The following NRCAM variants were observed in gnomAD, a reference collection of about 807,000 sequenced individuals.
The protein encoded by NRCAM is NgCAM-related cell adhesion molecule.
NRCAM carries 83 observed loss-of-function variants against 156.5 expected under a neutral mutation model. The ratio of observed to expected loss-of-function variants is 0.53; its 90% confidence interval spans 0.44 to 0.64. The LOEUF is 0.64. Among genes scored for constraint, NRCAM ranks in the 30% least tolerant of loss-of-function variants. The pLI, the probability that NRCAM is intolerant of heterozygous loss-of-function variation, is 0.00. For missense variants in NRCAM, 1,417 were observed against 1,597.3 expected, an observed-to-expected ratio of 0.89 and a Z score of 1.92; for synonymous variants, 538 against 563.9, an observed-to-expected ratio of 0.95 and a Z score of 0.65.
intron 5 of NRCAM, 74 bp from the exon 6 acceptor site, chr7:108,234,762 T>C (rs748693827): frequency 4.8e-5 from 48 of 1,003,992 alleles, no homozygotes; most frequent in Non-Finnish European, 7.1e-5. Flanking sequence ...TTTTCCTGTA[T>C]CAAAATCACT....
intron 30 of NRCAM, among the ~76,000 whole-genome samples, chr7:108,164,261 T>C (rs928604249): frequency 1.3e-5 from 2 of 149,682 alleles, no homozygotes; most frequent in Non-Finnish European, 3.0e-5. Flanking sequence ...ATACCAGTAG[T>C]ACGGGGAAGA....
intron 10 of NRCAM, 90 bp from the exon 11 acceptor site, chr7:108,223,926 A>G: frequency 2.9e-6 from 2 of 692,176 alleles, no homozygotes; most frequent in South Asian, 3.4e-5. Context: ...TAAAATTCCA[A>G]TCCCTTTTTA....
chr7:108,445,806 C>T (rs1046465727), intron 1 of NRCAM, among the ~76,000 whole-genome samples: 1 of 152,144 alleles, frequency 6.6e-6, no homozygotes, highest in African/African-American at 2.4e-5. Flanking sequence ...GGCACCACTG[C>T]CCTGAATCCA....
chr7:108,430,228 T>A (rs570173818), intron 1 of NRCAM, among the ~76,000 whole-genome samples: 2 of 152,170 alleles, frequency 1.3e-5, no homozygotes, highest in Non-Finnish European at 2.9e-5. Flanking sequence ...TTATTTACAG[T>A]GTCATGATCT....
chr7:108,208,156 A>G (rs76753091), intron 12 of NRCAM, among the ~76,000 whole-genome samples: 1 of 122,486 alleles, frequency 8.2e-6, no homozygotes, highest in Non-Finnish European at 1.7e-5. Context: ...AAAAAAAAAA[A>G]TTAGCCAGGT....
At chr7:108,257,015 AAAAAG>A (rs1187187391) in intron 3 of NRCAM, among the ~76,000 whole-genome samples, 77 of 125,898 alleles carry the variant, frequency 6.1e-4, no homozygotes, top group African/African-American at 1.7e-3. Flanking sequence ...GAAAAAAAAA[AAAAAG>A]AAAAAGAAAA....
At chr7:108,219,395 C>A in intron 11 of NRCAM, among the ~76,000 whole-genome samples, 1 of 151,664 alleles carries the variant, frequency 6.6e-6, no homozygotes, top group East Asian at 1.9e-4. Context: ...AGGACATAAC[C>A]AAAAAAAGAA....
chr7:108,223,988 T>A (rs138829283), intron 10 of NRCAM, 152 bp from the exon 11 acceptor site: 1 of 547,894 alleles, frequency 1.8e-6, no homozygotes, highest in Non-Finnish European at 3.2e-6. Flanking sequence ...ACATACACAC[T>A]CTCTGCGTTA....
chr7:108,285,791 T>C (rs566417171), intron 3 of NRCAM, among the ~76,000 whole-genome samples: 79 of 152,358 alleles, frequency 5.2e-4, no homozygotes, highest in African/African-American at 1.8e-3. Flanking sequence ...TATACAATTA[T>C]ATCAGAAACT....
At chr7:108,288,375 C>A (rs2098175448) in intron 3 of NRCAM, among the ~76,000 whole-genome samples, 1 of 152,030 alleles carries the variant, frequency 6.6e-6, no homozygotes, top group African/African-American at 2.4e-5. Context: ...TGCATTTGTA[C>A]CCCTAAATCC....
chr7:108,408,561 A>G (rs774788452), intron 1 of NRCAM, among the ~76,000 whole-genome samples: 30 of 152,246 alleles, frequency 2.0e-4, no homozygotes, highest in Non-Finnish European at 4.0e-4. Flanking sequence ...ATGAGGTTCT[A>G]TGCCAGTGTC....
intron 8 of NRCAM, among the ~76,000 whole-genome samples, chr7:108,227,516 T>C (rs2093666334): frequency 6.6e-6 from 1 of 152,216 alleles, no homozygotes; most frequent in African/African-American, 2.4e-5. Context: ...TGCATTACTG[T>C]TACCCACAGT....
intron 2 of NRCAM, among the ~76,000 whole-genome samples, chr7:108,354,496 T>A (rs929261799): frequency 6.6e-6 from 1 of 152,180 alleles, no homozygotes; most frequent in African/African-American, 2.4e-5. Flanking sequence ...ACCATAAATA[T>A]TCAGACATTA....
intron 1 of NRCAM, among the ~76,000 whole-genome samples, chr7:108,417,044 T>G (rs529487301): frequency 2.0e-5 from 3 of 152,244 alleles, no homozygotes; most frequent in Non-Finnish European, 4.4e-5. Flanking sequence ...TGACCATTTA[T>G]TTCAATGTTT....
chr7:108,165,367 T>C (rs1442431713), intron 30 of NRCAM, among the ~76,000 whole-genome samples: 3 of 152,216 alleles, frequency 2.0e-5, no homozygotes, highest in Non-Finnish European at 4.4e-5. Context: ...GGAGTAATAA[T>C]GGTGCCTACA....
At chr7:108,236,260 A>G (rs1195551149) in intron 5 of NRCAM, among the ~76,000 whole-genome samples, 1 of 152,172 alleles carries the variant, frequency 6.6e-6, no homozygotes, top group Non-Finnish European at 1.5e-5. Context: ...CATCCACAAG[A>G]CATCTTTTAC....
At chr7:108,252,274 C>T (rs2096394167) in intron 3 of NRCAM, among the ~76,000 whole-genome samples, 1 of 152,208 alleles carries the variant, frequency 6.6e-6, no homozygotes, top group Non-Finnish European at 1.5e-5. Context: ...TGGGTGGTTT[C>T]TTGCCTGCCA....
intron 30 of NRCAM, among the ~76,000 whole-genome samples, chr7:108,166,645 T>C (rs565340438): frequency 1.3e-5 from 2 of 152,332 alleles, no homozygotes; most frequent in Admixed American, 6.5e-5. Context: ...ATATGAACAA[T>C]TGAATTCTTT....
chr7:108,370,877 C>T (rs12673082), intron 2 of NRCAM, among the ~76,000 whole-genome samples: 30,103 of 133,708 alleles, frequency 0.23, 3,584 homozygotes, highest in East Asian at 0.54. Flanking sequence ...ATATACTTGC[C>T]GTCATATTAA....
Sources: gnomAD v4.1 joint callset for allele counts (sites outside exome capture counted in the v4.1 genomes callset) on GRCh38, gnomAD v4.1.1 for gene constraint, MANE v1.5 for transcripts, NCBI Gene and HGNC (gene_info 2026-07-23, HGNC 2026-07-21) for gene names.